The following KCNIP1 variants were observed in gnomAD, a reference collection of about 807,000 sequenced individuals.
The protein encoded by KCNIP1 is A-type potassium channel modulatory protein KCNIP1.
Under a neutral mutation model 33.0 loss-of-function variants are expected in KCNIP1, and 18 were observed. The ratio of observed to expected loss-of-function variants is 0.55; its 90% confidence interval spans 0.38 to 0.81. KCNIP1 has a LOEUF of 0.81. Ranked by LOEUF, KCNIP1 falls within the 30% of genes least tolerant of loss-of-function variation. The pLI is 0.00. For synonymous variants in KCNIP1, 93 were observed against 98.3 expected, an observed-to-expected ratio of 0.95 and a Z score of 0.32; for missense variants, 238 against 271.6, an observed-to-expected ratio of 0.88 and a Z score of 0.87.
At chr5:170,568,339 G>T (rs183157682) in intron 1 of KCNIP1, among the ~76,000 whole-genome samples, 1 of 152,046 alleles carries the variant, frequency 6.6e-6, no homozygotes, top group Non-Finnish European at 1.5e-5. Flanking sequence ...ATTAATTTCT[G>T]TTCTTTGTTT....
intron 1 of KCNIP1, among the ~76,000 whole-genome samples, chr5:170,474,265 A>T (rs34013296): frequency 6.6e-6 from 1 of 151,734 alleles, no homozygotes. Flanking sequence ...CTTACCCTCC[A>T]AGAACTCCAC....
intron 1 of KCNIP1, among the ~76,000 whole-genome samples, chr5:170,369,245 G>A (rs1763782478): frequency 6.6e-6 from 1 of 152,184 alleles, no homozygotes; most frequent in East Asian, 1.9e-4. Context: ...TCAGTAAAAT[G>A]GGGATAATGA....
intron 1 of KCNIP1, among the ~76,000 whole-genome samples, chr5:170,426,922 G>GCCACAGGACCAGCT (rs1270941274): frequency 5.3e-5 from 8 of 152,266 alleles, no homozygotes; most frequent in Non-Finnish European, 1.0e-4. Flanking sequence ...CCTTTGCGTG[G>GCCACAGGACCAGCT]CCACAGGACC....
At chr5:170,487,247 G>T (rs1454178799) in intron 1 of KCNIP1, among the ~76,000 whole-genome samples, 1 of 152,112 alleles carries the variant, frequency 6.6e-6, no homozygotes, top group Admixed American at 6.5e-5. Context: ...GCCTTCAGCT[G>T]ACTCAATGAA....
chr5:170,457,916 G>C (rs1756422307), intron 1 of KCNIP1, among the ~76,000 whole-genome samples: 1 of 152,164 alleles, frequency 6.6e-6, no homozygotes, highest in Non-Finnish European at 1.5e-5. Flanking sequence ...CCAGTGAAAG[G>C]CAAAGTCCAA....
At chr5:170,720,602 G>A (rs1464514702) in intron 3 of KCNIP1, among the ~76,000 whole-genome samples, 1 of 152,196 alleles carries the variant, frequency 6.6e-6, no homozygotes, top group East Asian at 1.9e-4. Flanking sequence ...AGGGGAAGAA[G>A]GGCTGATAAT....
chr5:170,380,023 G>A (rs1764177700), intron 1 of KCNIP1, among the ~76,000 whole-genome samples: 1 of 151,964 alleles, frequency 6.6e-6, no homozygotes, highest in Non-Finnish European at 1.5e-5. Context: ...CCTGTGTACA[G>A]CAAACAAACT....
intron 1 of KCNIP1, among the ~76,000 whole-genome samples, chr5:170,589,982 C>T (rs1326739139): frequency 6.6e-6 from 1 of 152,124 alleles, no homozygotes; most frequent in African/African-American, 2.4e-5. Flanking sequence ...GTGTTCCTTT[C>T]CCCCTCTGCA....
intron 1 of KCNIP1, among the ~76,000 whole-genome samples, chr5:170,396,476 A>G (rs1198594604): frequency 6.6e-6 from 1 of 152,250 alleles, no homozygotes; most frequent in Non-Finnish European, 1.5e-5. Flanking sequence ...TGGTTGAATT[A>G]CAGCTTGATT....
chr5:170,565,252 AT>A (rs1757167815), intron 1 of KCNIP1, among the ~76,000 whole-genome samples: 1 of 152,122 alleles, frequency 6.6e-6, no homozygotes, highest in Non-Finnish European at 1.5e-5. Context: ...AGTTCCAGTT[AT>A]GCAAATGCCC....
intron 1 of KCNIP1, among the ~76,000 whole-genome samples, chr5:170,561,338 C>T (rs953935335): frequency 5.3e-5 from 8 of 152,158 alleles, no homozygotes; most frequent in African/African-American, 1.9e-4. Context: ...ACACAGCAAC[C>T]GTGACTGAAG....
At chr5:170,361,407 C>G (rs773970321) in intron 1 of KCNIP1, among the ~76,000 whole-genome samples, 2 of 152,192 alleles carry the variant, frequency 1.3e-5, no homozygotes, top group Admixed American at 6.5e-5. Flanking sequence ...CAGAAGAAAG[C>G]CTTCCTTCTC....
At chr5:170,728,516 G>C (rs1303953184) in intron 5 of KCNIP1, among the ~76,000 whole-genome samples, 1 of 152,092 alleles carries the variant, frequency 6.6e-6, no homozygotes, top group African/African-American at 2.4e-5. Flanking sequence ...TATGCAAAAA[G>C]AAATTGTGTA....
intron 1 of KCNIP1, among the ~76,000 whole-genome samples, chr5:170,371,389 A>G (rs1473262304): frequency 9.2e-5 from 14 of 152,132 alleles, no homozygotes; most frequent in Non-Finnish European, 2.1e-4. Context: ...TCTGTGATGG[A>G]AAGGTATCTG....
intron 1 of KCNIP1, among the ~76,000 whole-genome samples, chr5:170,594,580 G>A (rs1273801088): frequency 5.3e-5 from 8 of 151,972 alleles, no homozygotes; most frequent in South Asian, 4.2e-4. Context: ...GCACAGTCTC[G>A]GCTCACTGCA....
At chr5:170,626,201 C>A (rs984162902) in intron 1 of KCNIP1, among the ~76,000 whole-genome samples, 1 of 152,204 alleles carries the variant, frequency 6.6e-6, no homozygotes, top group African/African-American at 2.4e-5. Flanking sequence ...ATGCTCTAAT[C>A]ATTACTGGCT....
intron 1 of KCNIP1, among the ~76,000 whole-genome samples, chr5:170,649,078 A>G (rs1760905165): frequency 6.6e-6 from 1 of 152,226 alleles, no homozygotes; most frequent in Non-Finnish European, 1.5e-5. Flanking sequence ...TGGTATACCT[A>G]CTTTGTAAAT....
chr5:170,670,673 G>A (rs1245982603), intron 1 of KCNIP1, among the ~76,000 whole-genome samples: 1 of 152,114 alleles, frequency 6.6e-6, no homozygotes, highest in African/African-American at 2.4e-5. Context: ...CGGGTGGACC[G>A]CCTGAGCTCA....
At chr5:170,672,643 T>C (rs564290978) in intron 1 of KCNIP1, among the ~76,000 whole-genome samples, 1 of 152,402 alleles carries the variant, frequency 6.6e-6, no homozygotes, top group East Asian at 1.9e-4. Context: ...ACCAGTGTAA[T>C]TTAGCCTCGG....
Sources: gnomAD v4.1 joint callset for allele counts (sites outside exome capture counted in the v4.1 genomes callset) on GRCh38, gnomAD v4.1.1 for gene constraint, MANE v1.5 for transcripts, NCBI Gene and HGNC (gene_info 2026-07-23, HGNC 2026-07-21) for gene names.